The following SLTM variants were observed in gnomAD, a reference collection of about 807,000 sequenced individuals.
SLTM encodes SAFB like transcription modulator, also known as SAFB-like transcription modulator.
In SLTM, 43 loss-of-function variants were observed where a neutral mutation model predicts 134.6. That is an observed-to-expected ratio of 0.32 (90% CI 0.25 to 0.41). SLTM has a LOEUF of 0.41. SLTM is among the 10% of genes least tolerant of loss of function. The pLI is 1.00. For synonymous variants in SLTM, 424 were observed against 432.3 expected (o/e 0.98, Z 0.24); for missense variants, 1,055 against 1,288.8 (o/e 0.82, Z 2.78).
chr15:58,926,604 C>T (rs2037485782), intron 2 of SLTM, among the ~76,000 whole-genome samples: 1 of 150,120 alleles, frequency 6.7e-6, no homozygotes, highest in Admixed American at 6.7e-5. Flanking sequence ...TTGTACTTTT[C>T]TGGATTACCT....
At chr15:58,922,614 A>G (rs1439849758) in intron 2 of SLTM, among the ~76,000 whole-genome samples, 1 of 142,346 alleles carries the variant, frequency 7.0e-6, no homozygotes, top group Non-Finnish European at 1.5e-5. Flanking sequence ...TATAAAATAT[A>G]TTATATACAT....
intron 2 of SLTM, among the ~76,000 whole-genome samples, chr15:58,927,128 TGAGA>T (rs1238953918): frequency 6.6e-6 from 1 of 151,658 alleles, no homozygotes; most frequent in Non-Finnish European, 1.5e-5. Context: ...ATTATGCTCT[TGAGA>T]GAGGCACCTT....
intron 20 of SLTM, among the ~76,000 whole-genome samples, 162 bp from the exon 21 acceptor site, chr15:58,880,269 C>T (rs1233462670): frequency 6.6e-6 from 1 of 152,200 alleles, no homozygotes; most frequent in Non-Finnish European, 1.5e-5. Flanking sequence ...ACTGAAGAAA[C>T]AGATCTGGAG....
At chr15:58,880,570 A>T (rs1375665771) in intron 20 of SLTM, among the ~76,000 whole-genome samples, 1 of 151,830 alleles carries the variant, frequency 6.6e-6, no homozygotes, top group Non-Finnish European at 1.5e-5. Flanking sequence ...AAATATATAT[A>T]TTTTTAGACA....
At chr15:58,883,405 A>G in intron 20 of SLTM, 1 of 560,438 alleles carries the variant, frequency 1.8e-6, no homozygotes, top group East Asian at 3.1e-5. Flanking sequence ...ACTTGCCAGA[A>G]CGTCACTGAA....
intron 5 of SLTM, among the ~76,000 whole-genome samples, chr15:58,911,553 G>T (rs1261260600): frequency 6.6e-6 from 1 of 151,306 alleles, no homozygotes. Context: ...AACCAACTCA[G>T]ATCAAAACCA....
At chr15:58,915,258 T>C (rs2036551970) in intron 3 of SLTM, among the ~76,000 whole-genome samples, 1 of 152,188 alleles carries the variant, frequency 6.6e-6, no homozygotes, top group Non-Finnish European at 1.5e-5. Flanking sequence ...CTTTTAGACA[T>C]TATGACCAGG....
At chr15:58,882,174 T>A (rs540592949) in intron 20 of SLTM, among the ~76,000 whole-genome samples, 3 of 3,384 alleles carry the variant, frequency 8.9e-4, no homozygotes, top group Non-Finnish European at 0.02. Flanking sequence ...AGAGCAAGAC[T>A]CTGTCTCAAA....
chr15:58,932,262 A>G, intron 2 of SLTM, 94 bp downstream of exon 2: 2 of 900,580 alleles, frequency 2.2e-6, no homozygotes, highest in Non-Finnish European at 1.9e-6. Context: ...AATAGCAAAG[A>G]GTAGCACTAT....
rs772521999 is a variant in SLTM at position 58,893,952 on chromosome 15, G to A, written c.1517C>T (p.Ser506Leu). The change falls in exon 12 of 21, where the codon TCG (serine) becomes TTG (leucine). Residue 506 changes from serine (S) to leucine (L), a missense_variant. Physicochemically the swap from Ser to Leu is moderately radical, Grantham distance 145. Coordinates refer to ENST00000380516, the MANE Select transcript of SLTM (RefSeq NM_024755.4). ...QASVKKEEKR[S>L]SEKSEKKESK... ...TTCTTTTTTTTCAGATTTCTCAGAC[G>A]ATCTTTTCTCTTCTTTTTTGACAGA... 1.2e-5 allele frequency: 19 copies of A among 1,609,084 alleles called. No individual in the cohort carries two copies. The highest frequency in any genetic ancestry group is 3.3e-5 in the South Asian group (3 of 90,254).
At chr15:58,881,998 CAGG>C (rs1333925528) in intron 20 of SLTM, among the ~76,000 whole-genome samples, 1 of 151,672 alleles carries the variant, frequency 6.6e-6, no homozygotes, top group African/African-American at 2.4e-5. Flanking sequence ...ATCACAAGGT[CAGG>C]AGTTCAAGAC....
chr15:58,888,106 T>C (rs1448949292), intron 17 of SLTM, among the ~76,000 whole-genome samples: 1 of 152,100 alleles, frequency 6.6e-6, no homozygotes, highest in South Asian at 2.1e-4. Context: ...TATGCCAAGA[T>C]TGCACCACTG....
chr15:58,899,935 T>C lies in SLTM; in HGVS notation c.592A>G (p.Ile198Val), dbSNP rs1295169564. The C allele has an allele frequency of 6.2e-7, 1 of 1,601,238 alleles. No homozygotes were observed. The highest frequency in any genetic ancestry group is 1.7e-5 in the Admixed American group (1 of 59,186). ...DGEEEENEKD[I>V]AGSGDGTQEV... ...TGTGTACCATCACCAGAACCTGCTA[T>C]ATCTAAGAGGATTTAACAGGAATAA... The change falls in exon 7 of 21, where the codon ATA (isoleucine) becomes GTA (valine). Residue 198 changes from isoleucine (I) to valine (V), a missense_variant and splice_region_variant. This residue lies in a region of SLTM where 268 missense variants were observed against 284.3 expected (regional missense o/e 0.94). Transcript: ENST00000380516. The surrounding 1 kb of genome is among the most constrained non-coding windows in gnomAD (Gnocchi z 5.0).
intron 16 of SLTM, among the ~76,000 whole-genome samples, chr15:58,888,988 A>C (rs1009606336): frequency 7.7e-6 from 1 of 130,098 alleles, no homozygotes; most frequent in African/African-American, 3.0e-5. Flanking sequence ...TTCTCTACAC[A>C]ATCAACTCAG....
chr15:58,881,502 G>T (rs1241372594), intron 20 of SLTM, among the ~76,000 whole-genome samples: 1 of 150,086 alleles, frequency 6.7e-6, no homozygotes, highest in Admixed American at 6.8e-5. Context: ...ACTCCAGCTT[G>T]GGGGACAGAT....
chr15:58,899,208 G>T lies in SLTM; in HGVS notation c.1058+261C>A. On this transcript the variant is annotated intron_variant, in intron 7 of 20. Transcript: ENST00000380516. This position sits in a 1 kb window ranked among gnomAD's most constrained non-coding sequence, Gnocchi z 5.0. ...TAAAACACAAAAAAATTGTCAATTT[G>T]AAAAAAAAAAACAAAAAACAAAAAA... is the stretch of plus-strand genomic sequence containing the variant. 3 of 350,108 alleles carry T rather than the reference G, an allele frequency of 8.6e-6. No homozygotes were observed. Among genetic ancestry groups the T allele is most frequent in the Non-Finnish European group, 1.5e-5 (3 of 198,664 alleles). 21.7% of individuals were successfully genotyped at this position (350,108 alleles called of 1,614,324 possible). A position where few individuals can be genotyped will look rare whatever the true frequency, so the allele number is the denominator to read the frequency against.
chr15:58,882,511 T>G (rs1220795728), intron 20 of SLTM, among the ~76,000 whole-genome samples: 2 of 151,816 alleles, frequency 1.3e-5, no homozygotes, highest in African/African-American at 4.8e-5. Context: ...GAAAACAGAC[T>G]CCCTCAAAAT....
rs1245590363 is a variant in SLTM at position 58,887,212 on chromosome 15, T to C, written c.2690+14A>G. ...ATGAGACCACTAGGAAAGCATTACATAGTACACAGCTACCTTGTTTCCCGT... is the reference window on the plus strand; with the variant it reads ...ATGAGACCACTAGGAAAGCATTACACAGTACACAGCTACCTTGTTTCCCGT... On this transcript the variant is annotated intron_variant, in intron 18 of 20. Transcript: ENST00000380516. The C allele has an allele frequency of 6.8e-6, 11 of 1,613,182 alleles. No individual in the cohort carries two copies. In the African/African-American group the frequency reaches 1.1e-4, roughly 16 times the overall value.
intron 2 of SLTM, among the ~76,000 whole-genome samples, chr15:58,925,358 G>A (rs1318630108): frequency 6.6e-6 from 1 of 152,026 alleles, no homozygotes; most frequent in Non-Finnish European, 1.5e-5. Flanking sequence ...CTGTTTTTGT[G>A]GCAGGGTCTT....
Sources: allele counts gnomAD v4.1 joint callset (sites outside exome capture counted in the v4.1 genomes callset), GRCh38; gene constraint gnomAD v4.1.1; regional missense constraint gnomAD v4.1.1; non-coding constraint Gnocchi (gnomAD v3.1); transcripts MANE v1.5; gene names NCBI Gene and HGNC (gene_info 2026-07-23, HGNC 2026-07-21).